Variants in IL12RB2 observed in about 807,000 individuals in gnomAD.
IL12RB2 encodes the protein interleukin-12 receptor subunit beta-2.
In IL12RB2, 82 loss-of-function variants were observed where a neutral mutation model predicts 89.4. That is an observed-to-expected ratio of 0.92 (90% confidence interval 0.77 to 1.10). IL12RB2 has a LOEUF of 1.10. Among genes scored for constraint, IL12RB2 ranks in the 50% least tolerant of loss-of-function variants. The pLI, the probability that IL12RB2 is intolerant of heterozygous loss-of-function variation, is 0.00. For missense variants in IL12RB2, 963 were observed against 1,031.9 expected (o/e 0.93, Z 0.92); for synonymous variants, 368 against 370.1 (o/e 0.99, Z 0.07).
intron 2 of IL12RB2, among the ~76,000 whole-genome samples, chr1:67,317,155 C>T (rs904785402): frequency 4.6e-5 from 7 of 152,104 alleles, no homozygotes; most frequent in Admixed American, 1.3e-4. Context: ...AGGCATGGGA[C>T]GGGCAGGAGT....
Position 67,330,928 on chromosome 1 carries a change from G to C in IL12RB2, c.958+118G>C, listed in dbSNP as rs1354568430. The C allele has an allele frequency of 8.1e-6, 6 of 744,554 alleles. No homozygotes were observed. In the South Asian group the frequency reaches 8.6e-5, roughly 11 times the overall value. The allele number at this position is 744,554 out of a possible 1,614,324, so 46.1% of individuals were successfully genotyped here. A position where few individuals can be genotyped will look rare whatever the true frequency, so the allele number is the denominator to read the frequency against. ...CTACTGGTGCTGAATCAAAAAGCAT[G>C]ACTGCATTAGTTAACAAGTTAATTT... On this transcript the variant is annotated intron_variant, in intron 8 of 16. Coordinates refer to ENST00000674203, the MANE Select transcript of IL12RB2 (RefSeq NM_001374259.2).
At position 67,350,932 on chromosome 1, in the gene IL12RB2, G is replaced by C. The variant is rs1553121331; in HGVS notation, c.1101G>C (p.Leu367=). Residue 367 remains leucine (L), a synonymous_variant, in exon 10 of 17, where the codon CTG becomes CTC. Coordinates refer to ENST00000674203, the MANE Select transcript of IL12RB2 (RefSeq NM_001374259.2). ...ACTATCAGGTGACCTTGCAGGAGCTGACAGGAGGGAAAGCCATGACACAGA... is the reference window on the plus strand; with the variant it reads ...ACTATCAGGTGACCTTGCAGGAGCTCACAGGAGGGAAAGCCATGACACAGA... ...ILHYQVTLQE[L]TGGKAMTQNI... 6.2e-7 allele frequency: 1 copy of C among 1,614,118 alleles called. No homozygotes were observed. The highest frequency in any genetic ancestry group is 1.1e-5 in the South Asian group (1 of 91,078).
At chr1:67,318,029 G>A (rs1656008881) in intron 2 of IL12RB2, among the ~76,000 whole-genome samples, 1 of 152,194 alleles carries the variant, frequency 6.6e-6, no homozygotes, top group African/African-American at 2.4e-5. Context: ...GGGAGGGGCT[G>A]TCTGGGGAAG....
At chr1:67,340,012 CTGAA>C (rs17101833) in intron 9 of IL12RB2, among the ~76,000 whole-genome samples, 7,240 of 152,244 alleles carry the variant, frequency 0.048, 223 homozygotes, top group Admixed American at 0.07. Context: ...AATTATGAAT[CTGAA>C]TGAGCACAAA....
intron 10 of IL12RB2, among the ~76,000 whole-genome samples, chr1:67,366,112 A>G (rs1173924035): frequency 2.0e-5 from 3 of 152,306 alleles, no homozygotes; most frequent in East Asian, 3.9e-4. Flanking sequence ...GGAAGGGGAA[A>G]GTCAAATAAC....
At chr1:67,341,523 A>AGAAAG (rs752543274) in intron 9 of IL12RB2, among the ~76,000 whole-genome samples, 1 of 100,676 alleles carries the variant, frequency 9.9e-6, no homozygotes, top group African/African-American at 4.1e-5. Flanking sequence ...GGAAAGAAAA[A>AGAAAG]AGAAAGAGAA....
chr1:67,354,618 A>C (rs1661186726), intron 10 of IL12RB2, among the ~76,000 whole-genome samples: 1 of 152,222 alleles, frequency 6.6e-6, no homozygotes, highest in African/African-American at 2.4e-5. Flanking sequence ...TCCTAAGATC[A>C]CACCTGAGCC....
intron 13 of IL12RB2, among the ~76,000 whole-genome samples, chr1:67,377,885 G>A (rs1000166408): frequency 5.9e-5 from 9 of 152,096 alleles, no homozygotes; most frequent in Admixed American, 5.2e-4. Flanking sequence ...CAGCACTTTC[G>A]GAGGCTGAGG....
chr1:67,327,495 C>G (rs980319491), intron 5 of IL12RB2, among the ~76,000 whole-genome samples: 9 of 152,126 alleles, frequency 5.9e-5, no homozygotes, highest in African/African-American at 2.2e-4. Context: ...GATCGCTTCT[C>G]TTTTCTGCAG....
intron 14 of IL12RB2, among the ~76,000 whole-genome samples, chr1:67,384,162 A>C (rs1265648022): frequency 6.6e-6 from 1 of 152,236 alleles, no homozygotes; most frequent in Non-Finnish European, 1.5e-5. Flanking sequence ...GAGGTTCTCC[A>C]TAAGGGCTCC....
At chr1:67,381,991 T>TA (rs577162118) in intron 14 of IL12RB2, among the ~76,000 whole-genome samples, 55 of 150,120 alleles carry the variant, frequency 3.7e-4, no homozygotes, top group Non-Finnish European at 5.6e-4. Flanking sequence ...GTCTCAAAAA[T>TA]AAAAAAAAAT....
chr1:67,380,237 CT>C, intron 14 of IL12RB2, 114 bp downstream of exon 14: 2 of 1,059,186 alleles, frequency 1.9e-6, no homozygotes, highest in East Asian at 5.0e-5. Flanking sequence ...TAAAAACTTT[CT>C]TGCTGTCACT....
chr1:67,308,140 G>T (rs1292389272), intron 1 of IL12RB2, among the ~76,000 whole-genome samples, 173 bp downstream of exon 1: 1 of 151,876 alleles, frequency 6.6e-6, no homozygotes, highest in East Asian at 1.9e-4. Flanking sequence ...CTTCCAATAC[G>T]ATCCGAAATG....
chr1:67,362,309 G>A (rs1052693728), intron 10 of IL12RB2, among the ~76,000 whole-genome samples: 2 of 151,638 alleles, frequency 1.3e-5, no homozygotes, highest in South Asian at 2.1e-4. Context: ...GCTCACGCCT[G>A]TAATCCCAGC....
chr1:67,328,513 T>C, intron 6 of IL12RB2, 129 bp downstream of exon 6: 2 of 1,510,038 alleles, frequency 1.3e-6, no homozygotes, highest in Middle Eastern at 2.0e-4. Flanking sequence ...AAGCAAAAGA[T>C]AGAAGTTACT....
In IL12RB2 at chr1:67,313,974, G is replaced by A. The variant is rs1655432448; in HGVS notation, c.-63G>A. On this transcript the variant is annotated 5_prime_UTR_variant, in exon 2 of 17. It removes the in-frame stop codon of an upstream open reading frame in the 5' UTR. Coordinates refer to ENST00000674203, the MANE Select transcript of IL12RB2 (RefSeq NM_001374259.2). ...ACCTCTGAAGTGTTGTCTGTATATT[G>A]ATCTGCTACCAGTAAAACATATCTC... 1.3e-5 allele frequency: 2 copies of A among 152,140 alleles called. No individual in the cohort carries two copies. Among genetic ancestry groups the A allele is most frequent in the Non-Finnish European group, 1.5e-5 (1 of 68,026 alleles). 9.4% of individuals were successfully genotyped at this position (152,140 alleles called of 1,614,324 possible).
intron 16 of IL12RB2, among the ~76,000 whole-genome samples, chr1:67,393,512 T>A (rs778176864): frequency 1.3e-5 from 2 of 152,324 alleles, no homozygotes; most frequent in Non-Finnish European, 2.9e-5. Flanking sequence ...CTTTGGCGGC[T>A]CAGCTTCCCA....
rs555168397 is a variant in IL12RB2 at position 67,343,632 on chromosome 1, T to C, written c.1038+4929T>C. ...TACTGTTTTATATTGTATTCTTTCC[T>C]TAATTAAGTATCTCAATCCATGATT... On this transcript the variant is annotated intron_variant, in intron 9 of 16. Coordinates refer to ENST00000674203, the MANE Select transcript of IL12RB2 (RefSeq NM_001374259.2). Among the ~76,000 whole-genome samples, 467 of 152,308 alleles carry C rather than the reference T, an allele frequency of 3.1e-3. 2 individuals carry two copies. The highest frequency in any genetic ancestry group is 0.01 in the Middle Eastern group (3 of 294).
chr1:67,346,578 G>T (rs541527658), intron 9 of IL12RB2, among the ~76,000 whole-genome samples: 310 of 151,972 alleles, frequency 2.0e-3, no homozygotes, highest in African/African-American at 7.2e-3. Flanking sequence ...GTAGAAAGTG[G>T]TTTCACCATG....
Sources: allele counts gnomAD v4.1 joint callset (sites outside exome capture counted in the v4.1 genomes callset), GRCh38; gene constraint gnomAD v4.1.1; transcripts MANE v1.5; gene names NCBI Gene and HGNC (gene_info 2026-07-23, HGNC 2026-07-21).